SPC25: variants seen among roughly 807,000 people sequenced by gnomAD.
SPC25 encodes kinetochore protein Spc25.
In SPC25, 22 loss-of-function variants were observed where a neutral mutation model predicts 29.6. The observed-to-expected ratio is 0.74, with a 90% CI of 0.53 to 1.06. SPC25 has a LOEUF of 1.06. Among genes scored for constraint, SPC25 ranks in the 50% least tolerant of loss-of-function variants. The probability of loss-of-function intolerance (pLI) is 0.00; values close to 1 mark genes in which losing one functional copy is unlikely to be tolerated. For missense variants in SPC25, 230 were observed against 255.8 expected, an observed-to-expected ratio of 0.90 and a Z score of 0.69; for synonymous variants, 91 against 90.4, an observed-to-expected ratio of 1.01 and a Z score of -0.04.
At chr2:168,862,041 TG>T (rs1689490197) in intron 4 of SPC25, 1 of 1,613,800 alleles carries the variant, frequency 6.2e-7, no homozygotes, top group African/African-American at 1.3e-5. Flanking sequence ...GAGTTGAATT[TG>T]GAAAAGGGTA....
rs1194419522 is a variant in SPC25, at chr2:168,871,327, A to G, written c.*104T>C. 8.8e-6 allele frequency: 10 copies of G among 1,139,858 alleles called. 1 individual carries two copies. In the East Asian group the frequency reaches 2.2e-4, roughly 25 times the overall value. 70.6% of individuals were successfully genotyped at this position (1,139,858 alleles called of 1,614,324 possible). A position where few individuals can be genotyped will look rare whatever the true frequency, so the allele number is the denominator to read the frequency against. On this transcript the variant is annotated 3_prime_UTR_variant, in exon 7 of 7. Coordinates refer to ENST00000282074, the MANE Select transcript of SPC25 (RefSeq NM_020675.4). ...TATGTAACAAACCTGCACATTGTGCACATGTACCCTAAAACTTAAAGTATA... is the reference window on the plus strand; with the variant it reads ...TATGTAACAAACCTGCACATTGTGCGCATGTACCCTAAAACTTAAAGTATA...
chr2:168,869,485 A>G (rs939181990), downstream of SPC25, among the ~76,000 whole-genome samples: 3 of 152,242 alleles, frequency 2.0e-5, no homozygotes, highest in African/African-American at 4.8e-5. Context: ...AATCTCCTTA[A>G]GCTGATAAGC....
chr2:168,875,532 G>C (rs1016043839), intron 5 of SPC25, among the ~76,000 whole-genome samples: 2 of 152,058 alleles, frequency 1.3e-5, no homozygotes, highest in African/African-American at 4.8e-5. Flanking sequence ...TATTAATGTA[G>C]CTTCTCTCCC....
intron 3 of SPC25, among the ~76,000 whole-genome samples, chr2:168,880,412 A>G (rs902800004): frequency 2.0e-5 from 3 of 152,196 alleles, no homozygotes; most frequent in Admixed American, 1.3e-4. Flanking sequence ...TTCTTCTGAA[A>G]CTTCCTCATC....
At position 168,873,573 on chromosome 2, in the gene SPC25, A is replaced by ACCTTAAATACCAG; in HGVS notation, c.550+11_550+12insCTGGTATTTAAGG. ...CAATCTTAAATACCAGTTAGGAGAT[A>ACCTTAAATACCAG]TTAGTACATACCTTCATAGTCCCTT... On this transcript the variant is annotated intron_variant, in intron 6 of 6. Coordinates refer to ENST00000282074, the MANE Select transcript of SPC25 (RefSeq NM_020675.4). The ACCTTAAATACCAG allele has an allele frequency of 6.4e-7, 1 of 1,572,364 alleles. No individual in the cohort carries two copies. Among genetic ancestry groups the ACCTTAAATACCAG allele is most frequent in the Middle Eastern group, 1.7e-4 (1 of 5,958 alleles).
At chr2:168,870,383 T>G (rs2105819804), downstream of SPC25, among the ~76,000 whole-genome samples, 1 of 151,514 alleles carries the variant, frequency 6.6e-6, no homozygotes, top group African/African-American at 2.5e-5. Context: ...AAAGAGCTTC[T>G]GCACAGCAAA....
At chr2:168,869,790 T>C (rs1689944891), downstream of SPC25, among the ~76,000 whole-genome samples, 4 of 152,134 alleles carry the variant, frequency 2.6e-5, no homozygotes, top group South Asian at 4.1e-4. Context: ...CCCAAGGTAA[T>C]TTATAGATTC....
intron 6 of SPC25, among the ~76,000 whole-genome samples, 174 bp from the exon 7 acceptor site, chr2:168,871,729 T>C (rs1202414171): frequency 1.3e-5 from 2 of 152,196 alleles, no homozygotes; most frequent in Non-Finnish European, 2.9e-5. Flanking sequence ...CTTTTGGACC[T>C]TTCCTTCGTT....
intron 3 of SPC25, 133 bp from the exon 4 acceptor site, chr2:168,877,517 CA>C: frequency 9.8e-7 from 1 of 1,020,094 alleles, no homozygotes; most frequent in Non-Finnish European, 1.4e-6. Context: ...TCTAATGATT[CA>C]AAATTATAAA....
At chr2:168,867,849 C>T (rs575276228), downstream of SPC25, among the ~76,000 whole-genome samples, 519 of 147,740 alleles carry the variant, frequency 3.5e-3, no homozygotes, top group African/African-American at 0.011. Context: ...CTGCACCAAG[C>T]AGACCTAATA....
At chr2:168,866,408 A>G (rs2105815794), downstream of SPC25, among the ~76,000 whole-genome samples, 1 of 152,410 alleles carries the variant, frequency 6.6e-6, no homozygotes, top group South Asian at 2.1e-4. Flanking sequence ...TGGTGCTGGG[A>G]AAACTGGCTA....
intron 1 of SPC25, among the ~76,000 whole-genome samples, 191 bp from the exon 2 acceptor site, chr2:168,889,724 G>A (rs1050683997): frequency 6.6e-6 from 1 of 152,120 alleles, no homozygotes; most frequent in Non-Finnish European, 1.5e-5. Flanking sequence ...AATAATTCAG[G>A]ACACCTTTAC....
intron 5 of SPC25, among the ~76,000 whole-genome samples, chr2:168,874,061 T>C (rs950214710): frequency 1.3e-5 from 2 of 152,180 alleles, no homozygotes; most frequent in African/African-American, 2.4e-5. Flanking sequence ...AATTCAATAA[T>C]GGGCAAAAAA....
downstream of SPC25, among the ~76,000 whole-genome samples, chr2:168,868,680 C>T (rs557548537): frequency 3.4e-4 from 52 of 152,288 alleles, no homozygotes; most frequent in African/African-American, 1.2e-3. Context: ...TCTGAATAGG[C>T]CAATAACAGG....
At chr2:168,889,034 C>CAT (rs796112468) in intron 3 of SPC25, among the ~76,000 whole-genome samples, 192 bp downstream of exon 3, 3 of 21,638 alleles carry the variant, frequency 1.4e-4, no homozygotes, top group Non-Finnish European at 2.2e-4. Flanking sequence ...CATATATATA[C>CAT]ATATATATAT....
chr2:168,889,332 C>G, intron 2 of SPC25, 41 bp from the exon 3 acceptor site: 1 of 1,613,242 alleles, frequency 6.2e-7, no homozygotes, highest in South Asian at 1.1e-5. Context: ...TGCAATAACA[C>G]TAAAAAATAA....
chr2:168,882,413 T>C (rs1690192620), intron 3 of SPC25, among the ~76,000 whole-genome samples: 1 of 152,232 alleles, frequency 6.6e-6, no homozygotes, highest in Non-Finnish European at 1.5e-5. Context: ...GAGACCATCC[T>C]GGCCAACATG....
At chr2:168,864,789 G>C (rs202072618) in intron 4 of SPC25, 1 of 1,608,640 alleles carries the variant, frequency 6.2e-7, no homozygotes, top group African/African-American at 1.3e-5. Flanking sequence ...GCTGAGGCAT[G>C]TGTTCACATC....
intron 1 of SPC25, 21 bp from the exon 2 acceptor site, chr2:168,889,554 G>A (rs927867737): frequency 6.3e-7 from 1 of 1,596,020 alleles, no homozygotes; most frequent in South Asian, 1.1e-5. Flanking sequence ...AATACATATT[G>A]CATTTTTTAA....
Sources: allele counts gnomAD v4.1 joint callset (sites outside exome capture counted in the v4.1 genomes callset), GRCh38; gene constraint gnomAD v4.1.1; transcripts MANE v1.5; gene names NCBI Gene and HGNC (gene_info 2026-07-23, HGNC 2026-07-21).